The following PLD5 variants were observed in gnomAD, a reference collection of about 807,000 sequenced individuals.
PLD5 encodes phospholipase D family member 5, also known as inactive phospholipase D5.
In PLD5, 36 loss-of-function variants were observed where a neutral mutation model predicts 61.1. The ratio of observed to expected loss-of-function variants is 0.59; its 90% confidence interval spans 0.45 to 0.78. PLD5 has a LOEUF of 0.78. Ranked by LOEUF, PLD5 falls within the 30% of genes least tolerant of loss-of-function variation. The pLI is 0.00. For missense variants in PLD5, 515 were observed against 644.4 expected, an observed-to-expected ratio of 0.80 and a Z score of 2.17; for synonymous variants, 243 against 242.8, an observed-to-expected ratio of 1.00 and a Z score of -0.01.
chr1:242,387,310 T>C (rs1219983174), intron 1 of PLD5, among the ~76,000 whole-genome samples: 1 of 152,100 alleles, frequency 6.6e-6, no homozygotes, highest in East Asian at 1.9e-4. Context: ...CTGAAGGAGA[T>C]TAATAATGTG....
chr1:242,139,466 C>T (rs886632274), intron 5 of PLD5, among the ~76,000 whole-genome samples: 70 of 152,120 alleles, frequency 4.6e-4, no homozygotes, highest in East Asian at 1.9e-4. Context: ...ATGTAGCTCT[C>T]GAACTGCTTC....
chr1:242,311,443 C>T (rs929224812), intron 2 of PLD5, among the ~76,000 whole-genome samples: 1 of 152,150 alleles, frequency 6.6e-6, no homozygotes, highest in African/African-American at 2.4e-5. Context: ...CTGACCAGTT[C>T]CCAGGTGATG....
In PLD5 at chr1:242,432,079, G is replaced by A. The variant is rs116636913; in HGVS notation, c.190-83837C>T. ...AGTCAGGGGCGGTGGTTCATGGAAT[G>A]ATGAAAGTGATAAAACTACATGTTC... is the stretch of plus-strand genomic sequence containing the variant. On this transcript the variant is annotated intron_variant, in intron 1 of 9. Transcript: ENST00000536534. Among the ~76,000 whole-genome samples, 1,150 of 152,308 alleles carry A rather than the reference G, an allele frequency of 7.6e-3. 18 individuals carry two copies. Among genetic ancestry groups the A allele is most frequent in the African/African-American group, 0.026 (1,099 of 41,570 alleles).
chr1:242,397,549 C>G lies in PLD5; in HGVS notation c.190-49307G>C, dbSNP rs370004339. Among the ~76,000 whole-genome samples the G allele has an allele frequency of 2.6e-5, 4 of 152,054 alleles. No individual in the cohort carries two copies. In the East Asian group the frequency reaches 7.8e-4, roughly 29 times the overall value. ...GAACAGCAATCTCCATAAGGCTCAACGCATGCAAAACATCGAGGATATGTT... is the reference window on the plus strand; with the variant it reads ...GAACAGCAATCTCCATAAGGCTCAAGGCATGCAAAACATCGAGGATATGTT... On this transcript the variant is annotated intron_variant, in intron 1 of 9. Coordinates refer to ENST00000536534, the MANE Select transcript of PLD5 (RefSeq NM_001372062.1).
chr1:242,467,390 C>G (rs1344810081), intron 1 of PLD5, among the ~76,000 whole-genome samples: 2 of 152,152 alleles, frequency 1.3e-5, no homozygotes, highest in Non-Finnish European at 2.9e-5. Context: ...GTAGTCTGTG[C>G]ACTTTTGTAC....
Position 242,124,330 on chromosome 1 carries a change from T to A in PLD5, c.933+138A>T, listed in dbSNP as rs1247239182. The A allele has an allele frequency of 5.4e-6, 4 of 742,176 alleles. No homozygotes were observed. The African/African-American group carries it at 7.1e-5, about 13-fold the overall frequency. 46.0% of individuals were successfully genotyped at this position (742,176 alleles called of 1,614,324 possible). A position where few individuals can be genotyped will look rare whatever the true frequency, so the allele number is the denominator to read the frequency against. On this transcript the variant is annotated intron_variant, in intron 6 of 9. Coordinates refer to ENST00000536534, the MANE Select transcript of PLD5 (RefSeq NM_001372062.1). The stretch of plus-strand genomic sequence containing the variant: ...ATGATTGCGTGTAAGGGTGGACGCA[T>A]TTTAACTCTTCACGTCATGGGATAG...
intron 1 of PLD5, among the ~76,000 whole-genome samples, chr1:242,415,622 C>G (rs973469078): frequency 4.6e-5 from 7 of 151,744 alleles, no homozygotes; most frequent in African/African-American, 1.5e-4. Context: ...ACACCATTCT[C>G]CTGCCTCAGC....
At chr1:242,133,296 G>A (rs919180221) in intron 5 of PLD5, among the ~76,000 whole-genome samples, 2 of 152,074 alleles carry the variant, frequency 1.3e-5, no homozygotes, top group African/African-American at 2.4e-5. Context: ...CTGGTTGTGG[G>A]CCACTATTTC....
intron 2 of PLD5, among the ~76,000 whole-genome samples, chr1:242,302,048 T>A (rs1676081140): frequency 1.3e-5 from 2 of 152,240 alleles, no homozygotes; most frequent in Non-Finnish European, 2.9e-5. Context: ...CCCAAAGTGC[T>A]GGGATTACAG....
chr1:242,279,232 G>T (rs1381074653), intron 3 of PLD5, among the ~76,000 whole-genome samples: 1 of 152,212 alleles, frequency 6.6e-6, no homozygotes, highest in Non-Finnish European at 1.5e-5. Flanking sequence ...GACAAACTGG[G>T]GTAGGGACCA....
chr1:242,305,620 A>G (rs1401296209), intron 2 of PLD5, among the ~76,000 whole-genome samples: 3 of 151,852 alleles, frequency 2.0e-5, no homozygotes, highest in Non-Finnish European at 4.4e-5. Flanking sequence ...AGTGCAGTGC[A>G]GTGCTCATGG....
At chr1:242,382,114 G>A (rs147303202) in intron 1 of PLD5, among the ~76,000 whole-genome samples, 12 of 122,648 alleles carry the variant, frequency 9.8e-5, no homozygotes, top group East Asian at 7.4e-4. Flanking sequence ...AACTGATAGC[G>A]GAGACTTTGA....
At chr1:242,335,658 A>C (rs1158013681) in intron 2 of PLD5, among the ~76,000 whole-genome samples, 1 of 152,184 alleles carries the variant, frequency 6.6e-6, no homozygotes, top group East Asian at 1.9e-4. Context: ...GCTCAGAATA[A>C]AGTACTTCAT....
intron 1 of PLD5, among the ~76,000 whole-genome samples, chr1:242,405,109 G>A (rs1427134491): frequency 6.6e-6 from 1 of 151,898 alleles, no homozygotes; most frequent in Admixed American, 6.6e-5. Flanking sequence ...TTGAACTCCT[G>A]ACCTCCAGTG....
intron 1 of PLD5, among the ~76,000 whole-genome samples, chr1:242,514,921 CAT>C (rs1319745662): frequency 1.3e-5 from 2 of 152,152 alleles, no homozygotes; most frequent in Non-Finnish European, 2.9e-5. Context: ...ACAGGAGAAG[CAT>C]AGAGTCTGAG....
chr1:242,414,759 A>T (rs1664733379), intron 1 of PLD5, among the ~76,000 whole-genome samples: 1 of 152,220 alleles, frequency 6.6e-6, no homozygotes, highest in South Asian at 2.1e-4. Flanking sequence ...AAGAAATAAA[A>T]AAACATAGAT....
chr1:242,248,457 A>G (rs1487487276), intron 4 of PLD5, among the ~76,000 whole-genome samples: 2 of 132,892 alleles, frequency 1.5e-5, no homozygotes, highest in Non-Finnish European at 3.2e-5. Flanking sequence ...AAAAAAAAAG[A>G]AAATGACATT....
Position 242,269,438 on chromosome 1 carries a change from C to A in PLD5, c.496-3990G>T, listed in dbSNP as rs538926853. 2.1e-3 allele frequency among the ~76,000 whole-genome samples: 310 copies of A among 151,112 alleles called. 2 individuals are homozygous for A. Among genetic ancestry groups the A allele is most frequent in the South Asian group, 0.01 (49 of 4,708 alleles). On this transcript the variant is annotated intron_variant, in intron 3 of 9. Coordinates refer to ENST00000536534, the MANE Select transcript of PLD5 (RefSeq NM_001372062.1). ...TGAAGAGGATGCTTAATGTAGGAGACCCTTCAATCCTGTAGGGGAGGAAAT... is the reference window on the plus strand; with the variant it reads ...TGAAGAGGATGCTTAATGTAGGAGAACCTTCAATCCTGTAGGGGAGGAAAT...
At chr1:242,349,577 G>C in intron 1 of PLD5, among the ~76,000 whole-genome samples, 1 of 152,080 alleles carries the variant, frequency 6.6e-6, no homozygotes, top group Admixed American at 6.5e-5. Context: ...TTTTCACTTA[G>C]AAATACCAGC....
Sources: allele counts gnomAD v4.1 joint callset (sites outside exome capture counted in the v4.1 genomes callset), GRCh38; gene constraint gnomAD v4.1.1; transcripts MANE v1.5; gene names NCBI Gene and HGNC (gene_info 2026-07-23, HGNC 2026-07-21).